NUMA1: variants seen among roughly 807,000 people sequenced by gnomAD.
The protein encoded by NUMA1 is SP-H antigen.
Under a neutral mutation model 237.1 loss-of-function variants are expected in NUMA1, and 62 were observed. That is an observed-to-expected ratio of 0.26 (90% CI 0.21 to 0.32). The LOEUF is 0.32. Ranked by LOEUF, NUMA1 falls within the 10% of genes least tolerant of loss-of-function variation. The pLI is 1.00. For missense variants in NUMA1, 2,533 were observed against 2,666.5 expected (o/e 0.95, Z 1.10); for synonymous variants, 1,028 against 1,066.1 (o/e 0.96, Z 0.70).
At chr11:72,016,301 T>C in intron 14 of NUMA1, 41 bp from the exon 15 acceptor site, 1 of 1,584,474 alleles carries the variant, frequency 6.3e-7, no homozygotes, top group Non-Finnish European at 8.6e-7. Flanking sequence ...GCATGACTCC[T>C]CAGTCATCAA....
chr11:72,050,784 A>G (rs1942293852), intron 2 of NUMA1: 1 of 152,156 alleles, frequency 6.6e-6, no homozygotes, highest in Non-Finnish European at 1.5e-5. Context: ...ATAGGTCTTC[A>G]TGTATACAAA....
chr11:72,018,421 C>G lies in NUMA1; in HGVS notation c.835G>C (p.Glu279Gln), dbSNP rs1329951101. Residue 279 changes from glutamate (E) to glutamine (Q), a missense_variant, in exon 11 of 27, where the codon GAG (glutamate) becomes CAG (glutamine). Physicochemically the swap from Glu to Gln is conservative, Grantham distance 29. Transcript: ENST00000393695. ...AASPLEPKEL[E>Q]ELRDKNESLT... ...CTCTCATTCTTGTCACGCAGCTCCT[C>G]AAGCTCCTTGGGCTCCAGTGGGCTG... The G allele has an allele frequency of 1.1e-5, 18 of 1,614,018 alleles. No homozygotes were observed. The highest frequency in any genetic ancestry group is 1.7e-5 in the Admixed American group (1 of 60,004).
At position 72,006,201 on chromosome 11, in the gene NUMA1, A is replaced by G. The variant is rs558403632; in HGVS notation, c.5526T>C (p.Pro1842=). ...TGGCTCGCAGGCTAGCCTGGGAAGCAGGAGCAGACCGCGTGCTGTAGAACG... is the reference window on the plus strand; with the variant it reads ...TGGCTCGCAGGCTAGCCTGGGAAGCGGGAGCAGACCGCGTGCTGTAGAACG... The part of the protein sequence containing the change: ...NSSFYSTRSA[P]ASQASLRATS... The change falls in exon 22 of 27, where the codon CCT becomes CCC. Residue 1842 remains proline, a synonymous_variant. Coordinates refer to ENST00000393695, the MANE Select transcript of NUMA1 (RefSeq NM_006185.4). 1.9e-6 allele frequency: 3 copies of G among 1,614,162 alleles called. No homozygotes were observed. Among genetic ancestry groups the G allele is most frequent in the Non-Finnish European group, 2.5e-6 (3 of 1,180,014 alleles).
At chr11:72,070,333 A>G (rs758183340) in intron 1 of NUMA1, among the ~76,000 whole-genome samples, 22 of 152,156 alleles carry the variant, frequency 1.4e-4, no homozygotes, top group African/African-American at 5.1e-4. Flanking sequence ...ATCCTCCATT[A>G]TATGGCCTCA....
chr11:72,024,149 T>G, intron 5 of NUMA1, 125 bp downstream of exon 5: 1 of 731,194 alleles, frequency 1.4e-6, no homozygotes, highest in Non-Finnish European at 2.3e-6. Flanking sequence ...TTCATCTTTG[T>G]GTTAAAGAGT....
In NUMA1 at chr11:72,013,144, C is replaced by A. The variant is rs747534749; in HGVS notation, c.4359G>T (p.Gly1453=). The part of the protein sequence containing the change: ...AHGLLAEENR[G]LGERANLGRQ... ...GGCCAAGGTTGGCCCGCTCACCCAG[C>A]CCCCGGTTCTCCTCTGCCAGCAGGC... Residue 1453 remains glycine, a synonymous_variant, in exon 15 of 27, where the codon GGG becomes GGT. Transcript: ENST00000393695. This position sits in a 1 kb window ranked among gnomAD's most constrained non-coding sequence, Gnocchi z 6.8. 3 of 1,614,062 alleles carry A rather than the reference C, an allele frequency of 1.9e-6. No homozygotes were observed. Among genetic ancestry groups the A allele is most frequent in the Middle Eastern group, 1.6e-4 (1 of 6,062 alleles).
intron 2 of NUMA1, among the ~76,000 whole-genome samples, chr11:72,064,515 T>C (rs1943114265): frequency 1.3e-5 from 2 of 151,464 alleles, no homozygotes; most frequent in South Asian, 4.2e-4. Flanking sequence ...CATGGGGAAA[T>C]ACTCAAGAAA....
At chr11:72,072,046 G>A (rs1301689119) in intron 1 of NUMA1, among the ~76,000 whole-genome samples, 1 of 152,088 alleles carries the variant, frequency 6.6e-6, no homozygotes, top group Non-Finnish European at 1.5e-5. Context: ...CAGCTCATGA[G>A]GGGTATAGTA....
chr11:72,029,451 ACT>A (rs1265217707), intron 3 of NUMA1, among the ~76,000 whole-genome samples, 161 bp from the exon 4 acceptor site: 1 of 152,230 alleles, frequency 6.6e-6, no homozygotes, highest in Non-Finnish European at 1.5e-5. Flanking sequence ...CGTTGCACTC[ACT>A]CATCCAGTTA....
intron 1 of NUMA1, among the ~76,000 whole-genome samples, chr11:72,079,712 G>A (rs758509793): frequency 2.6e-4 from 38 of 148,760 alleles, no homozygotes; most frequent in Non-Finnish European, 2.1e-4. Context: ...TGTTATCTGT[G>A]AGAGTCCATG....
chr11:72,018,299 G>A lies in NUMA1; in HGVS notation c.862C>T (p.Leu288Phe). The change falls in exon 12 of 27, where the codon CTT becomes TTT. Residue 288 changes from leucine (L) to phenylalanine (F), a missense_variant and splice_region_variant. Physicochemically the swap from Leu to Phe is conservative, Grantham distance 22 (BLOSUM62 0). Around this residue, in one of 3 missense-constraint regions of NUMA1, gnomAD observed 1,414 missense variants for 1,508.1 expected, o/e 0.94. Transcript: ENST00000393695. Reference sequence around the variant, plus strand: ...AGGGTTTCATGCAGCCGCATGGTAAGGCTGCGAGGGAGGGAAGCAGTGAGA... The same window carrying A: ...AGGGTTTCATGCAGCCGCATGGTAAAGCTGCGAGGGAGGGAAGCAGTGAGA... ...LEELRDKNES[L>F]TMRLHETLKQ... 1 of 1,613,786 alleles carries A rather than the reference G, an allele frequency of 6.2e-7. No individual in the cohort carries two copies. Among genetic ancestry groups the A allele is most frequent in the South Asian group, 1.1e-5 (1 of 91,076 alleles).
Position 72,013,267 on chromosome 11 carries a change from C to G in NUMA1, c.4236G>C (p.Leu1412=). ...GCTCCTGCTCTGCCACCTTCTGCCGCAGAGGAATCAGCTCCCCAAGCTCCC... is the reference window on the plus strand; with the variant it reads ...GCTCCTGCTCTGCCACCTTCTGCCGGAGAGGAATCAGCTCCCCAAGCTCCC... ...AQRELGELIP[L]RQKVAEQERT... Residue 1412 remains leucine (L), a synonymous_variant, in exon 15 of 27, where the codon CTG becomes CTC. Coordinates refer to ENST00000393695, the MANE Select transcript of NUMA1 (RefSeq NM_006185.4). This position sits in a 1 kb window ranked among gnomAD's most constrained non-coding sequence, Gnocchi z 6.8. The G allele has an allele frequency of 6.2e-7, 1 of 1,604,736 alleles. No individual in the cohort carries two copies. Among genetic ancestry groups the G allele is most frequent in the Non-Finnish European group, 8.5e-7 (1 of 1,179,820 alleles).
At chr11:72,046,798 A>G (rs1942026547) in intron 2 of NUMA1, among the ~76,000 whole-genome samples, 1 of 151,720 alleles carries the variant, frequency 6.6e-6, no homozygotes, top group South Asian at 2.1e-4. Flanking sequence ...CATGTCTACT[A>G]AAAATACAAA....
In NUMA1 at chr11:72,035,548, C is replaced by T. The variant is rs148510969; in HGVS notation, c.42+354G>A. Among the ~76,000 whole-genome samples, 86 of 152,016 alleles carry T rather than the reference C, an allele frequency of 5.7e-4. 2 individuals carry two copies. In the East Asian group the frequency reaches 0.016, roughly 29 times the overall value. ...TCAGCCTCCCGAGTGACTGGGATTACAGGTGCCCGCCACCACAGCCAGCTA... is the reference window on the plus strand; with the variant it reads ...TCAGCCTCCCGAGTGACTGGGATTATAGGTGCCCGCCACCACAGCCAGCTA... On this transcript the variant is annotated intron_variant, in intron 3 of 26. Transcript: ENST00000393695.
chr11:72,024,662 T>C, intron 4 of NUMA1: 1 of 374,832 alleles, frequency 2.7e-6, no homozygotes, highest in Non-Finnish European at 5.0e-6. Context: ...GCAGCACAGA[T>C]GAACGGGAAG....
At chr11:72,077,176 C>T (rs1943747469) in intron 1 of NUMA1, among the ~76,000 whole-genome samples, 2 of 152,064 alleles carry the variant, frequency 1.3e-5, no homozygotes, top group African/African-American at 2.4e-5. Context: ...ACATAAGTTA[C>T]GCATGAGATC....
Position 72,018,861 on chromosome 11 carries a change from A to T in NUMA1, c.704T>A (p.Leu235Gln). 6.2e-7 allele frequency: 1 copy of T among 1,613,312 alleles called. No homozygotes were observed. The highest frequency in any genetic ancestry group is 8.5e-7 in the Non-Finnish European group (1 of 1,179,998). Residue 235 changes from leucine to glutamine, a missense_variant, in exon 10 of 27, where the codon CTG becomes CAG. Around this residue, in one of 3 missense-constraint regions of NUMA1, gnomAD observed 1,414 missense variants for 1,508.1 expected, o/e 0.94. Transcript: ENST00000393695. ...DERSNRDELE[L>Q]ELAENRKLLT... is the part of the protein sequence containing the mutation. ...GAGCTTGCGGTTCTCAGCTAGCTCC[A>T]GCTCCAGCTCATCCCTATTACTTCT...
In NUMA1 at chr11:72,048,314, TAA is replaced by T. The variant is rs1164432693; in HGVS notation, c.-32-12341_-32-12340del. On this transcript the variant is annotated intron_variant, in intron 2 of 26. Transcript: ENST00000393695. ...AATAGGCAATCATTGAGTGAATGAA[TAA>T]AAGCTAGCACATTCTCAGCAAATCA... Among the ~76,000 whole-genome samples, 5 of 152,136 alleles carry T rather than the reference TAA, an allele frequency of 3.3e-5. No individual in the cohort carries two copies. In the East Asian group the frequency reaches 9.7e-4, roughly 29 times the overall value.
chr11:72,072,886 C>T (rs561029990), intron 1 of NUMA1, among the ~76,000 whole-genome samples: 1 of 151,538 alleles, frequency 6.6e-6, no homozygotes, highest in African/African-American at 2.4e-5. Flanking sequence ...ACTAAAGATA[C>T]AAAAAATTAG....
Sources: gnomAD v4.1 joint callset for allele counts (sites outside exome capture counted in the v4.1 genomes callset) on GRCh38, gnomAD v4.1.1 for gene constraint, gnomAD v4.1.1 regional missense constraint, Gnocchi (gnomAD v3.1) non-coding constraint, MANE v1.5 for transcripts, NCBI Gene and HGNC (gene_info 2026-07-23, HGNC 2026-07-21) for gene names.